TEF: variants seen among roughly 807,000 people sequenced by gnomAD.
TEF encodes the protein TEF transcription factor, PAR bZIP family member.
In TEF, 3 loss-of-function variants were observed where a neutral mutation model predicts 20.8. The ratio of observed to expected loss-of-function variants is 0.14; its 90% CI spans 0.07 to 0.37. The LOEUF (loss-of-function observed/expected upper bound fraction) is 0.37, where lower values mean the gene tolerates loss of function less well. Ranked by LOEUF, TEF falls within the 10% of genes least tolerant of loss-of-function variation. The probability of loss-of-function intolerance (pLI) is 1.00; values close to 1 mark genes in which losing one functional copy is unlikely to be tolerated. For synonymous variants in TEF, 180 were observed against 171.1 expected (o/e 1.05, Z -0.41); for missense variants, 296 against 397.9 (o/e 0.74, Z 2.18).
upstream of TEF, among the ~76,000 whole-genome samples, chr22:41,381,613 G>A (rs1244475454): frequency 6.6e-6 from 1 of 152,220 alleles, no homozygotes; most frequent in Admixed American, 6.5e-5. Context: ...TATGAAGAGG[G>A]CGGTGAAGGG....
intron 1 of TEF, among the ~76,000 whole-genome samples, chr22:41,384,671 G>T (rs1289464706): frequency 6.6e-6 from 1 of 152,142 alleles, no homozygotes; most frequent in Non-Finnish European, 1.5e-5. Context: ...GGGCCCTTGA[G>T]ATCTGGAAAT....
In TEF at chr22:41,382,184, C is replaced by A. The variant is rs943305825; in HGVS notation, c.140C>A (p.Pro47Gln). Reference protein sequence around the residue: ...LVLKKLMENPPREARLDKEKG... With the variant: ...LVLKKLMENPQREARLDKEKG... Reference sequence around the variant, plus strand: ...CTGAAGAAGCTGATGGAGAACCCCCCGCGCGAGGCGCGCCTCGGTGAGGGC... The same window carrying A: ...CTGAAGAAGCTGATGGAGAACCCCCAGCGCGAGGCGCGCCTCGGTGAGGGC... The change falls in exon 1 of 4, where the codon CCG becomes CAG. Residue 47 changes from proline (P) to glutamine (Q), a missense_variant. Pro to Gln is a moderately conservative substitution (Grantham distance 76). Around this residue, in one of 2 missense-constraint regions of TEF, gnomAD observed 102 missense variants for 80.1 expected, o/e 1.27. Transcript: ENST00000266304. The A allele has an allele frequency of 1.2e-5, 15 of 1,204,728 alleles. No homozygotes were observed. Among genetic ancestry groups the A allele is most frequent in the Non-Finnish European group, 1.5e-5 (15 of 971,482 alleles). The allele number at this position is 1,204,728 out of a possible 1,614,324, so 74.6% of individuals were successfully genotyped here.
chr22:41,395,820 G>A lies in TEF; in HGVS notation c.772G>A (p.Glu258Lys). ...GTCACGGGATGCCCGGCGCCTGAAA[G>A]AGAATCAGATCACCATCCGGGCAGC... is the stretch of plus-strand genomic sequence containing the variant. ...KRSRDARRLK[E>K]NQITIRAAFL... The change falls in exon 4 of 4, where the codon GAG becomes AAG. Residue 258 changes from glutamate to lysine, a missense_variant. By Grantham distance (56) the Glu-to-Lys change is moderately conservative. This residue lies in a region of TEF where 194 missense variants were observed against 317.8 expected (regional missense o/e 0.61). Transcript: ENST00000266304. The A allele has an allele frequency of 6.2e-7, 1 of 1,614,198 alleles. No individual in the cohort carries two copies. The highest frequency in any genetic ancestry group is 8.5e-7 in the Non-Finnish European group (1 of 1,180,032).
intron 1 of TEF, among the ~76,000 whole-genome samples, chr22:41,374,676 A>T (rs149133171): frequency 1.3e-5 from 2 of 151,668 alleles, no homozygotes; most frequent in East Asian, 3.9e-4. Context: ...TGACAGCATC[A>T]CTGCACTCCA....
intron 1 of TEF, among the ~76,000 whole-genome samples, chr22:41,372,882 A>G (rs1453483716): frequency 6.6e-6 from 1 of 152,158 alleles, no homozygotes; most frequent in African/African-American, 2.4e-5. Context: ...GGCTGTGGGA[A>G]GAGCACCTGC....
intron 1 of TEF, among the ~76,000 whole-genome samples, chr22:41,385,969 GC>G (rs1432724376): frequency 4.0e-5 from 6 of 149,582 alleles, no homozygotes; most frequent in Admixed American, 6.9e-5. Context: ...ACAGGTGTGA[GC>G]CACCGCCCCC....
At chr22:41,389,105 A>C (rs988652813) in intron 2 of TEF, among the ~76,000 whole-genome samples, 1 of 152,164 alleles carries the variant, frequency 6.6e-6, no homozygotes, top group Non-Finnish European at 1.5e-5. Context: ...TTGTCTCATA[A>C]ATGGTATTTT....
At chr22:41,385,379 T>C (rs2037085410) in intron 1 of TEF, among the ~76,000 whole-genome samples, 1 of 152,012 alleles carries the variant, frequency 6.6e-6, no homozygotes, top group Non-Finnish European at 1.5e-5. Flanking sequence ...AAAAAAGTTA[T>C]TTCTAATCTT....
upstream of TEF, among the ~76,000 whole-genome samples, chr22:41,379,723 G>A (rs1485920099): frequency 1.3e-5 from 2 of 151,246 alleles, no homozygotes; most frequent in Non-Finnish European, 2.9e-5. Context: ...AATTAACCCC[G>A]TCTCTACTAA....
At chr22:41,371,622 T>C (rs933458386) in intron 1 of TEF, among the ~76,000 whole-genome samples, 9 of 152,236 alleles carry the variant, frequency 5.9e-5, no homozygotes, top group Non-Finnish European at 1.3e-4. Context: ...TGCTGGTTTT[T>C]TCTGTGAAAG....
At chr22:41,390,917 C>T (rs556467298) in intron 2 of TEF, among the ~76,000 whole-genome samples, 20 of 152,262 alleles carry the variant, frequency 1.3e-4, no homozygotes, top group South Asian at 4.1e-4. Flanking sequence ...TTCTCTTATC[C>T]TGTCCCTGAA....
intron 1 of TEF, chr22:41,369,297 C>T: frequency 2.1e-6 from 2 of 964,516 alleles, no homozygotes; most frequent in Non-Finnish European, 2.5e-6. Context: ...GGGCCTGGCA[C>T]ATAGGGGACC....
upstream of TEF, among the ~76,000 whole-genome samples, chr22:41,379,732 A>G (rs965644527): frequency 8.6e-5 from 13 of 151,998 alleles, no homozygotes; most frequent in Non-Finnish European, 1.6e-4. Context: ...CGTCTCTACT[A>G]AAAATACAAA....
In TEF at chr22:41,397,537, A is replaced by G. The variant is rs2037245186; in HGVS notation, c.*1577A>G. On this transcript the variant is annotated 3_prime_UTR_variant, in exon 4 of 4. Coordinates refer to ENST00000266304, the MANE Select transcript of TEF (RefSeq NM_003216.4). The stretch of plus-strand genomic sequence containing the variant: ...GCCCTGACCTCTAAAGACTTTTCAT[A>G]ACAGACGTTAAGACCAAGCCGTGGA... 6.4e-6 allele frequency: 1 copy of G among 155,142 alleles called. No individual in the cohort carries two copies. Among genetic ancestry groups the G allele is most frequent in the Admixed American group, 6.5e-5 (1 of 15,336 alleles). 9.6% of individuals were successfully genotyped at this position (155,142 alleles called of 1,614,324 possible).
chr22:41,390,639 C>G (rs2037153334), intron 2 of TEF, among the ~76,000 whole-genome samples: 1 of 151,434 alleles, frequency 6.6e-6, no homozygotes, highest in Non-Finnish European at 1.5e-5. Context: ...GCTGGGAATA[C>G]AGGCGCCCAC....
chr22:41,392,988 T>C (rs2037185838), intron 2 of TEF, among the ~76,000 whole-genome samples: 2 of 151,284 alleles, frequency 1.3e-5, no homozygotes, highest in African/African-American at 2.4e-5. Flanking sequence ...TGAGCCAAGA[T>C]TGCACCAGTG....
chr22:41,382,096 C>A lies in TEF; in HGVS notation c.52C>A (p.Pro18Thr). 2 of 1,232,354 alleles carry A rather than the reference C, an allele frequency of 1.6e-6. No individual in the cohort carries two copies. The highest frequency in any genetic ancestry group is 2.0e-6 in the Non-Finnish European group (2 of 987,888). The allele number at this position is 1,232,354 out of a possible 1,614,324, so 76.3% of individuals were successfully genotyped here. A position where few individuals can be genotyped will look rare whatever the true frequency, so the allele number is the denominator to read the frequency against. Residue 18 changes from proline (P) to threonine (T), a missense_variant, in exon 1 of 4, where the codon CCC becomes ACC. Physicochemically the swap from Pro to Thr is conservative, Grantham distance 38. This residue lies in a region of TEF where 102 missense variants were observed against 80.1 expected (regional missense o/e 1.27). Transcript: ENST00000266304. ...GCCGCCTGTGGACCCGCAGGCAGGA[C>A]CCGGTCCGGGGCCGGGGCGCGCAGC... The part of the protein sequence containing the change: ...KKPPVDPQAG[P>T]GPGPGRAAGE...
At chr22:41,371,010 C>A (rs958073640) in intron 1 of TEF, among the ~76,000 whole-genome samples, 1 of 152,206 alleles carries the variant, frequency 6.6e-6, no homozygotes, top group African/African-American at 2.4e-5. Flanking sequence ...TCAGTTTCCC[C>A]TCTATGTCCC....
At chr22:41,384,750 A>T (rs1230811090) in intron 1 of TEF, among the ~76,000 whole-genome samples, 1 of 152,092 alleles carries the variant, frequency 6.6e-6, no homozygotes, top group East Asian at 1.9e-4. Context: ...AACACTGTAA[A>T]GACACTTTTT....
Sources: allele counts gnomAD v4.1 joint callset (sites outside exome capture counted in the v4.1 genomes callset), GRCh38; gene constraint gnomAD v4.1.1; regional missense constraint gnomAD v4.1.1; transcripts MANE v1.5; gene names NCBI Gene and HGNC (gene_info 2026-07-23, HGNC 2026-07-21).